RBMS3: variants seen among roughly 807,000 people sequenced by gnomAD.
The protein encoded by RBMS3 is RNA-binding motif, single-stranded-interacting protein 3.
Under a neutral mutation model 66.8 loss-of-function variants are expected in RBMS3, and 27 were observed. That is an observed-to-expected ratio of 0.40 (90% confidence interval 0.30 to 0.56). The LOEUF is 0.56. RBMS3 is among the 20% of genes least tolerant of loss of function. The pLI is 0.40. For synonymous variants in RBMS3, 188 were observed against 183.0 expected (o/e 1.03, Z -0.22); for missense variants, 513 against 549.5 (o/e 0.93, Z 0.66).
intron 10 of RBMS3, among the ~76,000 whole-genome samples, chr3:29,906,718 A>G (rs2149622278): frequency 6.6e-6 from 1 of 152,224 alleles, no homozygotes; most frequent in Middle Eastern, 3.4e-3. Context: ...TGCATATAAA[A>G]TACCCATTTC....
At chr3:29,792,510 A>G (rs933916434) in intron 6 of RBMS3, among the ~76,000 whole-genome samples, 1 of 152,186 alleles carries the variant, frequency 6.6e-6, no homozygotes, top group South Asian at 2.1e-4. Context: ...AAAAAAAGAC[A>G]TCATGAACTC....
intron 3 of RBMS3, among the ~76,000 whole-genome samples, chr3:29,532,262 G>GTATATATATATATATA (rs869225843): frequency 9.6e-5 from 6 of 62,684 alleles, no homozygotes; most frequent in Admixed American, 5.1e-4. Context: ...ATATATATAT[G>GTATATATATATATATA]TATATATATA....
At chr3:29,628,255 C>T (rs761536738) in intron 4 of RBMS3, among the ~76,000 whole-genome samples, 1 of 152,032 alleles carries the variant, frequency 6.6e-6, no homozygotes, top group Non-Finnish European at 1.5e-5. Context: ...TTTGTGTAAA[C>T]AACAATTTAA....
At chr3:29,330,663 G>A (rs1218161684) in intron 1 of RBMS3, among the ~76,000 whole-genome samples, 1 of 152,070 alleles carries the variant, frequency 6.6e-6, no homozygotes, top group Non-Finnish European at 1.5e-5. Flanking sequence ...AATACCTTAT[G>A]TTCTCTAAAT....
At chr3:29,716,091 T>C (rs1204788188) in intron 4 of RBMS3, among the ~76,000 whole-genome samples, 1 of 152,146 alleles carries the variant, frequency 6.6e-6, no homozygotes, top group Non-Finnish European at 1.5e-5. Context: ...GTCACACTAC[T>C]ATAGTAGGTG....
At chr3:29,884,064 G>C in intron 7 of RBMS3, 98 bp from the exon 8 acceptor site, 1 of 1,053,154 alleles carries the variant, frequency 9.5e-7, no homozygotes, top group Non-Finnish European at 1.4e-6. Flanking sequence ...CTTAGATCAT[G>C]GAAAGTAATG....
At chr3:29,780,360 A>G (rs773492138) in intron 6 of RBMS3, among the ~76,000 whole-genome samples, 9 of 151,890 alleles carry the variant, frequency 5.9e-5, no homozygotes, top group Non-Finnish European at 1.2e-4. Context: ...GTTTGACTAC[A>G]TGCTTTCTAT....
In RBMS3 at chr3:29,988,229, T is replaced by TC; in HGVS notation, c.1179+7dup. ...CGACAGCTGTTTCTATTGAAGTAAG[T>TC]CTACCCCTGTCTAATAAAGAGGTTA... is the stretch of plus-strand genomic sequence containing the variant. On this transcript the variant is annotated splice_region_variant and intron_variant, in intron 13 of 14. Transcript: ENST00000383767. The TC allele has an allele frequency of 6.3e-7, 1 of 1,588,882 alleles. No individual in the cohort carries two copies. Among genetic ancestry groups the TC allele is most frequent in the East Asian group, 2.2e-5 (1 of 44,702 alleles).
At chr3:29,604,035 T>C (rs2048237502) in intron 4 of RBMS3, among the ~76,000 whole-genome samples, 1 of 151,980 alleles carries the variant, frequency 6.6e-6, no homozygotes, top group South Asian at 2.1e-4. Context: ...ATGCTGCTAA[T>C]CATACTGCAA....
intron 2 of RBMS3, among the ~76,000 whole-genome samples, chr3:29,448,188 A>C (rs1018322649): frequency 1.3e-5 from 2 of 152,222 alleles, no homozygotes; most frequent in Non-Finnish European, 2.9e-5. Flanking sequence ...TAGGTGTCCT[A>C]AGGACACTTT....
chr3:29,654,638 T>G (rs2050261601), intron 4 of RBMS3, among the ~76,000 whole-genome samples: 1 of 151,518 alleles, frequency 6.6e-6, no homozygotes, highest in African/African-American at 2.4e-5. Flanking sequence ...TCACTCAAGC[T>G]GGAGTGCCGT....
chr3:29,392,227 G>T (rs544071613), intron 1 of RBMS3, among the ~76,000 whole-genome samples: 1 of 152,166 alleles, frequency 6.6e-6, no homozygotes, highest in Non-Finnish European at 1.5e-5. Context: ...TCCAGCCTGG[G>T]CAACAGAGGG....
chr3:29,456,300 ATG>A (rs1386259640), intron 2 of RBMS3, among the ~76,000 whole-genome samples: 13 of 152,180 alleles, frequency 8.5e-5, no homozygotes, highest in African/African-American at 2.4e-4. Flanking sequence ...ATTTTAAAAC[ATG>A]TGTTTTCCAC....
At chr3:29,420,400 G>A (rs373482185) in intron 1 of RBMS3, among the ~76,000 whole-genome samples, 2 of 152,136 alleles carry the variant, frequency 1.3e-5, no homozygotes, top group Admixed American at 1.3e-4. Context: ...ATGCTGGGCA[G>A]TTGCATCGCA....
intron 10 of RBMS3, among the ~76,000 whole-genome samples, chr3:29,916,560 C>T (rs2060642167): frequency 6.6e-6 from 1 of 151,764 alleles, no homozygotes; most frequent in Non-Finnish European, 1.5e-5. Context: ...TGAAAACTTA[C>T]CTATTGGCTG....
At chr3:29,482,712 T>TTTTC (rs1281466257) in intron 2 of RBMS3, among the ~76,000 whole-genome samples, 4 of 126,910 alleles carry the variant, frequency 3.2e-5, no homozygotes, top group African/African-American at 1.2e-4. Context: ...TTTTTTTTTT[T>TTTTC]TTTTTTTTTT....
At chr3:29,394,372 A>G (rs1202905439) in intron 1 of RBMS3, among the ~76,000 whole-genome samples, 1 of 152,158 alleles carries the variant, frequency 6.6e-6, no homozygotes, top group Non-Finnish European at 1.5e-5. Context: ...CCCAGATTTC[A>G]TATTGTTCAA....
At chr3:29,900,337 A>C (rs898458247) in intron 10 of RBMS3, among the ~76,000 whole-genome samples, 6 of 151,800 alleles carry the variant, frequency 4.0e-5, no homozygotes, top group African/African-American at 7.2e-5. Flanking sequence ...TTAATTAACT[A>C]TAGCAGTTTT....
At chr3:29,605,810 G>C (rs2149125151) in intron 4 of RBMS3, among the ~76,000 whole-genome samples, 1 of 151,798 alleles carries the variant, frequency 6.6e-6, no homozygotes, top group East Asian at 1.9e-4. Context: ...CTGATGATTT[G>C]TGTCCTTTTG....
Sources: allele counts gnomAD v4.1 joint callset (sites outside exome capture counted in the v4.1 genomes callset), GRCh38; gene constraint gnomAD v4.1.1; transcripts MANE v1.5; gene names NCBI Gene and HGNC (gene_info 2026-07-23, HGNC 2026-07-21).